Variants in TINAG observed in about 807,000 individuals in gnomAD.
TINAG encodes tubulointerstitial nephritis antigen.
In TINAG, 83 loss-of-function variants were observed where a neutral mutation model predicts 72.7. The ratio of observed to expected loss-of-function variants is 1.14; its 90% CI spans 0.96 to 1.37. TINAG has a LOEUF of 1.37. TINAG is among the 40% of genes most tolerant of loss of function. The pLI is 0.00. For synonymous variants in TINAG, 234 were observed against 189.9 expected (o/e 1.23, Z -1.91); for missense variants, 685 against 576.6 (o/e 1.19, Z -1.93).
chr6:54,354,679 G>A lies in TINAG; in HGVS notation c.1250+43G>A, dbSNP rs1377585003. On this transcript the variant is annotated intron_variant, in intron 9 of 10. Transcript: ENST00000259782. ...AATTCATTTAATTCTTTTGGAAAAT[G>A]AAACTGAAAATAAGAATATGCAGTG... 3 of 1,585,106 alleles carry A rather than the reference G, an allele frequency of 1.9e-6. No homozygotes were observed. The East Asian group carries it at 6.9e-5, about 36-fold the overall frequency.
At chr6:54,360,363 G>A (rs1475461032) in intron 9 of TINAG, among the ~76,000 whole-genome samples, 1 of 151,492 alleles carries the variant, frequency 6.6e-6, no homozygotes, top group South Asian at 2.1e-4. Context: ...CCAATAAAAA[G>A]AGGAAAATAT....
chr6:54,308,967 TTCTC>T, intron 1 of TINAG, 62 bp downstream of exon 1: 1 of 1,292,610 alleles, frequency 7.7e-7, no homozygotes. Context: ...CTGACAAACG[TTCTC>T]TCTTTTTCTT....
intron 1 of TINAG, among the ~76,000 whole-genome samples, chr6:54,312,299 T>C (rs1251863114): frequency 1.3e-5 from 2 of 152,104 alleles, no homozygotes; most frequent in African/African-American, 4.8e-5. Context: ...GCTCAAGCAC[T>C]GTATTATATA....
At chr6:54,369,440 A>G (rs796641045) in intron 9 of TINAG, among the ~76,000 whole-genome samples, 27 of 152,072 alleles carry the variant, frequency 1.8e-4, no homozygotes, top group African/African-American at 6.5e-4. Context: ...GCACACATAT[A>G]TATGATAATC....
intron 6 of TINAG, 22 bp from the exon 7 acceptor site, chr6:54,349,694 C>A: frequency 1.3e-6 from 2 of 1,513,404 alleles, no homozygotes; most frequent in Non-Finnish European, 8.9e-7. Flanking sequence ...ATTACCTTTG[C>A]TTCTTTGCTT....
At chr6:54,378,527 A>AT (rs1482048550) in intron 9 of TINAG, among the ~76,000 whole-genome samples, 1 of 152,180 alleles carries the variant, frequency 6.6e-6, no homozygotes, top group Non-Finnish European at 1.5e-5. Flanking sequence ...CATTGAAATT[A>AT]TTTTTTGGAA....
At position 54,359,545 on chromosome 6, in the gene TINAG, T is replaced by C. The variant is rs186792998; in HGVS notation, c.1250+4909T>C. On this transcript the variant is annotated intron_variant, in intron 9 of 10. Coordinates refer to ENST00000259782, the MANE Select transcript of TINAG (RefSeq NM_014464.4). ...TCATTTATGCTCAGTTTGAACAAGA[T>C]GTAAATGTGTTTACATTTAATCCTC... 6.6e-4 allele frequency among the ~76,000 whole-genome samples: 100 copies of C among 151,978 alleles called. 1 individual carries two copies. The highest frequency in any genetic ancestry group is 2.2e-3 in the African/African-American group (93 of 41,538).
intron 10 of TINAG, 94 bp from the exon 11 acceptor site, chr6:54,389,697 A>G: frequency 7.1e-7 from 1 of 1,412,526 alleles, no homozygotes; most frequent in Non-Finnish European, 9.5e-7. Flanking sequence ...GATAAATCAA[A>G]GGCATTTAAA....
In TINAG at chr6:54,347,535, A is replaced by T. The variant is rs757599327; in HGVS notation, c.899+18A>T. 6.2e-7 allele frequency: 1 copy of T among 1,610,088 alleles called. No homozygotes were observed. The highest frequency in any genetic ancestry group is 2.2e-5 in the East Asian group (1 of 44,700). ...AAACGTGGGTAAATAGCTGCTCAAC[A>T]TGTGTTTCTAGGATTTTTATGAATG... On this transcript the variant is annotated intron_variant, in intron 6 of 10. Coordinates refer to ENST00000259782, the MANE Select transcript of TINAG (RefSeq NM_014464.4).
In TINAG at chr6:54,308,719, T is replaced by C. The variant is rs1407945896; in HGVS notation, c.169T>C (p.Cys57Arg). ...AAGAGCCATTTTCCAAGGGCAATAC[T>C]GTAGAAATTTTGGCTGTTGTGAAGA... ...FKRAIFQGQYCRNFGCCEDRD... is the reference protein window; with the variant it reads ...FKRAIFQGQYRRNFGCCEDRD... The change falls in exon 1 of 11, where the codon TGT becomes CGT. Residue 57 changes from cysteine (C) to arginine (R), a missense_variant. Physicochemically the swap from Cys to Arg is radical, Grantham distance 180. Coordinates refer to ENST00000259782, the MANE Select transcript of TINAG (RefSeq NM_014464.4). 6.2e-7 allele frequency: 1 copy of C among 1,613,928 alleles called. No individual in the cohort carries two copies. The highest frequency in any genetic ancestry group is 1.7e-5 in the Admixed American group (1 of 59,956).
chr6:54,308,576 T>A lies in TINAG; in HGVS notation c.26T>A (p.Ile9Asn). 1.2e-6 allele frequency: 2 copies of A among 1,612,398 alleles called. No individual in the cohort carries two copies. Among genetic ancestry groups the A allele is most frequent in the African/African-American group, 1.3e-5 (1 of 74,828 alleles). Residue 9 changes from isoleucine (I) to asparagine (N), a missense_variant, in exon 1 of 11, where the codon ATC becomes AAC. Ile to Asn is a moderately radical substitution (Grantham distance 149). Transcript: ENST00000259782. MWTGYKIL[I>N]FSYLTTEIWM... ...ATGTGGACCGGATATAAGATCTTAA[T>A]CTTCTCTTATCTTACTACAGAAATC...
Position 54,354,656 on chromosome 6 carries a change from T to C in TINAG, c.1250+20T>C, listed in dbSNP as rs771763171. On this transcript the variant is annotated intron_variant, in intron 9 of 10. Transcript: ENST00000259782. ...CACTGGGTAAGGCAATTAAACAAAA[T>C]TCATTTAATTCTTTTGGAAAATGAA... is the stretch of plus-strand genomic sequence containing the variant. The C allele has an allele frequency of 7.5e-6, 12 of 1,598,560 alleles. No homozygotes were observed. The South Asian group carries it at 1.4e-4, about 18-fold the overall frequency.
rs1763904466 is a variant in TINAG, at chr6:54,380,205, CTT to C, written c.1251-319_1251-318del. On this transcript the variant is annotated intron_variant, in intron 9 of 10. Coordinates refer to ENST00000259782, the MANE Select transcript of TINAG (RefSeq NM_014464.4). ...ATGGGCATTTGGGTTAATTTGAAGTCTTTGAGGATAAGTATTTTTTAAGTCCT... is the reference window on the plus strand; with the variant it reads ...ATGGGCATTTGGGTTAATTTGAAGTCTGAGGATAAGTATTTTTTAAGTCCT... Among the ~76,000 whole-genome samples the C allele has an allele frequency of 3.3e-5, 5 of 151,994 alleles. No homozygotes were observed. In the South Asian group the frequency reaches 1.0e-3, roughly 32 times the overall value.
chr6:54,352,237 C>A (rs1223184908), intron 8 of TINAG, among the ~76,000 whole-genome samples: 2 of 151,770 alleles, frequency 1.3e-5, no homozygotes, highest in East Asian at 3.9e-4. Flanking sequence ...TTGGTACACA[C>A]TTAAGGAACT....
Position 54,369,726 on chromosome 6 carries a change from A to G in TINAG, c.1251-10800A>G, listed in dbSNP as rs1763547593. ...TCATTATAATTACTGCCATTATGAT[A>G]TTAATAAAGCCAACTCATCAATCCT... On this transcript the variant is annotated intron_variant, in intron 9 of 10. Coordinates refer to ENST00000259782, the MANE Select transcript of TINAG (RefSeq NM_014464.4). Among the ~76,000 whole-genome samples, 5 of 151,954 alleles carry G rather than the reference A, an allele frequency of 3.3e-5. No homozygotes were observed. In the South Asian group the frequency reaches 1.0e-3, roughly 31 times the overall value.
intron 3 of TINAG, among the ~76,000 whole-genome samples, chr6:54,326,489 C>T (rs910663874): frequency 2.0e-5 from 3 of 151,952 alleles, no homozygotes; most frequent in Admixed American, 6.6e-5. Flanking sequence ...TTCTAAGATG[C>T]ATTTAATGGC....
rs145202827 is a variant in TINAG, at chr6:54,349,840, G to A, written c.1024G>A (p.Val342Ile). The change falls in exon 7 of 11, where the codon GTA (valine) becomes ATA (isoleucine). Residue 342 changes from valine to isoleucine, a missense_variant. Val to Ile is a conservative substitution (Grantham distance 29, BLOSUM62 3). Transcript: ENST00000259782. Reference sequence around the variant, plus strand: ...TGCCACGAAGCCATGTCCCAACAACGTAGAAAAATCTAACAGGATCTATCA... The same window carrying A: ...TGCCACGAAGCCATGTCCCAACAACATAGAAAAATCTAACAGGATCTATCA... ...RHATKPCPNNVEKSNRIYQCS... is the reference protein window; with the variant it reads ...RHATKPCPNNIEKSNRIYQCS... 82 of 1,609,612 alleles carry A rather than the reference G, an allele frequency of 5.1e-5. 1 individual carries two copies. In the African/African-American group the frequency reaches 6.1e-4, roughly 12 times the overall value.
intron 7 of TINAG, 85 bp from the exon 8 acceptor site, chr6:54,351,267 G>T: frequency 8.3e-7 from 1 of 1,207,336 alleles, no homozygotes; most frequent in Non-Finnish European, 1.2e-6. Context: ...AGAGTAAATT[G>T]CAAACACTTA....
rs1412086298 is a variant in TINAG at position 54,320,637 on chromosome 6, C to T, written c.414C>T (p.Asn138=). 1 of 1,607,290 alleles carries T rather than the reference C, an allele frequency of 6.2e-7. No homozygotes were observed. Among genetic ancestry groups the T allele is most frequent in the Non-Finnish European group, 8.5e-7 (1 of 1,176,448 alleles). The change falls in exon 2 of 11, where the codon AAC becomes AAT. Residue 138 remains asparagine, a synonymous_variant. Transcript: ENST00000259782. The stretch of plus-strand genomic sequence containing the variant: ...GATCAGTAATTAAAGAAAACTGCAA[C>T]TCCTGGTAATAAATTTAAGTGGCAC... ...EEGSVIKENC[N]SCTCSGQQWK...
Sources: allele counts gnomAD v4.1 joint callset (sites outside exome capture counted in the v4.1 genomes callset), GRCh38; gene constraint gnomAD v4.1.1; transcripts MANE v1.5; gene names NCBI Gene and HGNC (gene_info 2026-07-23, HGNC 2026-07-21).